Variants in ARAP3 observed in about 807,000 individuals in gnomAD.
The protein encoded by ARAP3 is ArfGAP with RhoGAP domain, ankyrin repeat and PH domain 3.
ARAP3 carries 82 observed loss-of-function variants against 169.2 expected under a neutral mutation model. That is an observed-to-expected ratio of 0.48 (90% CI 0.41 to 0.58). The LOEUF is 0.58. Among genes scored for constraint, ARAP3 ranks in the 20% least tolerant of loss-of-function variants. The probability of loss-of-function intolerance (pLI) is 0.00; values close to 1 mark genes in which losing one functional copy is unlikely to be tolerated. For missense variants in ARAP3, 1,764 were observed against 2,018.0 expected (o/e 0.87, Z 2.41); for synonymous variants, 791 against 800.3 (o/e 0.99, Z 0.20).
In ARAP3 at chr5:141,666,406, C is replaced by A. The variant is rs143722578; in HGVS notation, c.2572+18G>T. Reference sequence around the variant, plus strand: ...ATGGCCACCCTTCATCCCTGTCCCCCCAAACCTCCCCGCTTACTGATCTCC... The same window carrying A: ...ATGGCCACCCTTCATCCCTGTCCCCACAAACCTCCCCGCTTACTGATCTCC... On this transcript the variant is annotated intron_variant, in intron 17 of 32. Coordinates refer to ENST00000239440, the MANE Select transcript of ARAP3 (RefSeq NM_022481.6). 15 of 1,539,422 alleles carry A rather than the reference C, an allele frequency of 9.7e-6. No individual in the cohort carries two copies. The highest frequency in any genetic ancestry group is 1.4e-5 in the African/African-American group (1 of 72,148).
At chr5:141,664,646 T>A (rs1299263810) in intron 19 of ARAP3, among the ~76,000 whole-genome samples, 1 of 152,172 alleles carries the variant, frequency 6.6e-6, no homozygotes, top group Non-Finnish European at 1.5e-5. Context: ...TGCCAGGCCC[T>A]GCGCTCAAGG....
chr5:141,681,849 G>C (rs1241166173), intron 1 of ARAP3, among the ~76,000 whole-genome samples: 1 of 152,062 alleles, frequency 6.6e-6, no homozygotes, highest in African/African-American at 2.4e-5. Flanking sequence ...GCCAGGGCCC[G>C]CGTGCTGAGC....
rs141682206 is a variant in ARAP3 at position 141,655,385 on chromosome 5, G to A, written c.4126C>T (p.Arg1376Trp). The A allele has an allele frequency of 2.2e-4, 354 of 1,585,350 alleles. No individual in the cohort carries two copies. The highest frequency in any genetic ancestry group is 2.5e-4 in the Non-Finnish European group (288 of 1,165,462). Residue 1376 changes from arginine (R) to tryptophan (W), a missense_variant, in exon 32 of 33, where the codon CGG becomes TGG. Arg to Trp is a moderately radical substitution (Grantham distance 101, BLOSUM62 -3). Coordinates refer to ENST00000239440, the MANE Select transcript of ARAP3 (RefSeq NM_022481.6). ...ACAAAGAACATGGACAGGGTCCTCC[G>A]GTTGTGTAGTCGCCGCTGGACACAG... ...ANQTLRRLHN[R>W]RTLSMFFPMK...
chr5:141,664,899 A>C, intron 19 of ARAP3, 23 bp downstream of exon 19: 2 of 713,682 alleles, frequency 2.8e-6, no homozygotes, highest in Non-Finnish European at 4.3e-6. Context: ...CCATTGGCTC[A>C]GTACCAGCCA....
In ARAP3 at chr5:141,654,230, T is replaced by A. The variant is rs774960206; in HGVS notation, c.4355A>T (p.Lys1452Met). 6.2e-7 allele frequency: 1 copy of A among 1,614,102 alleles called. No individual in the cohort carries two copies. The highest frequency in any genetic ancestry group is 2.2e-5 in the East Asian group (1 of 44,878). ...CTCCTCCTGGCCAAGGGTGCTTGAC[T>A]TGGAGAGAAAGGGTTGATCCAATGA... Reference protein sequence around the residue: ...QKSLDQPFLSKSSTLGQEERP... With the variant: ...QKSLDQPFLSMSSTLGQEERP... The change falls in exon 33 of 33, where the codon AAG (lysine) becomes ATG (methionine). Residue 1452 changes from lysine to methionine, a missense_variant. By Grantham distance (95) the Lys-to-Met change is moderately conservative (BLOSUM62 -1). Transcript: ENST00000239440.
chr5:141,680,452 C>T lies in ARAP3; in HGVS notation c.35G>A (p.Trp12Ter). The change falls in exon 2 of 33, where the codon TGG becomes TAG. Residue 12 changes from tryptophan to a stop codon, truncating the protein, a stop_gained. Transcript: ENST00000239440. LOFTEE classifies it high-confidence loss of function. ...CTGCTCCAGGTGCACCGTGGCCAGC[C>T]ACACAGCGATGTCCAGGTCCTGAGG... The part of the protein sequence containing the change: ...AAPQDLDIAV[W>*]LATVHLEQYA... 1 of 1,607,802 alleles carries T rather than the reference C, an allele frequency of 6.2e-7. No homozygotes were observed. The highest frequency in any genetic ancestry group is 8.5e-7 in the Non-Finnish European group (1 of 1,178,774).
At chr5:141,660,208 A>G (rs898813554) in intron 21 of ARAP3, among the ~76,000 whole-genome samples, 3 of 152,100 alleles carry the variant, frequency 2.0e-5, no homozygotes, top group Non-Finnish European at 4.4e-5. Context: ...AAATATATAC[A>G]TGGGCCGGGC....
intron 16 of ARAP3, 33 bp downstream of exon 16, chr5:141,669,676 T>G: frequency 4.3e-3 from 6,785 of 1,565,948 alleles, no homozygotes; most frequent in Non-Finnish European, 5.4e-3. Context: ...AAGGAAAGCA[T>G]GAGATGCTGC....
intron 1 of ARAP3, 131 bp from the exon 2 acceptor site, chr5:141,680,634 T>C (rs554179811): frequency 7.3e-7 from 1 of 1,366,430 alleles, no homozygotes; most frequent in African/African-American, 1.5e-5. Flanking sequence ...AGGCCTGCGA[T>C]CTGGAAGCAG....
Position 141,659,763 on chromosome 5 carries a change from G to T in ARAP3, c.3267+16C>A, listed in dbSNP as rs1322702229. On this transcript the variant is annotated intron_variant, in intron 22 of 32. Transcript: ENST00000239440. Reference sequence around the variant, plus strand: ...AGGGGAAAGGGGTTGTGGGTTAGGGGTCAGGAAAGCCTTACATCAAAGACA... The same window carrying T: ...AGGGGAAAGGGGTTGTGGGTTAGGGTTCAGGAAAGCCTTACATCAAAGACA... The T allele has an allele frequency of 6.2e-7, 1 of 1,605,902 alleles. No homozygotes were observed. The highest frequency in any genetic ancestry group is 8.5e-7 in the Non-Finnish European group (1 of 1,174,208).
Position 141,680,400 on chromosome 5 carries a change from G to A in ARAP3, c.87C>T (p.Gly29=). ...EQYADTFRRH[G]LATAGAARGL... Reference sequence around the variant, plus strand: ...CCCGGGCTGCACCTGCTGTAGCCAGGCCATGCCGTCGGAACGTGTCTGCAT... The same window carrying A: ...CCCGGGCTGCACCTGCTGTAGCCAGACCATGCCGTCGGAACGTGTCTGCAT... Residue 29 remains glycine, a synonymous_variant, in exon 2 of 33, where the codon GGC becomes GGT. Coordinates refer to ENST00000239440, the MANE Select transcript of ARAP3 (RefSeq NM_022481.6). 2.5e-6 allele frequency: 4 copies of A among 1,613,960 alleles called. No homozygotes were observed. Among genetic ancestry groups the A allele is most frequent in the Non-Finnish European group, 3.4e-6 (4 of 1,180,038 alleles).
intron 16 of ARAP3, among the ~76,000 whole-genome samples, chr5:141,668,004 C>T (rs945217796): frequency 5.9e-5 from 9 of 151,790 alleles, no homozygotes; most frequent in African/African-American, 1.2e-4. Context: ...ATCTCTTCAC[C>T]GCACTGTAGC....
chr5:141,679,027 G>T (rs137924240), intron 4 of ARAP3, among the ~76,000 whole-genome samples: 1 of 152,176 alleles, frequency 6.6e-6, no homozygotes, highest in African/African-American at 2.4e-5. Context: ...AGTGGCTCAT[G>T]CCTGTAATCC....
At chr5:141,661,896 C>T (rs1054733909) in intron 20 of ARAP3, 107 bp from the exon 21 acceptor site, 2 of 1,475,412 alleles carry the variant, frequency 1.4e-6, no homozygotes, top group Admixed American at 1.7e-5. Context: ...TGTGTCTCTG[C>T]CCCCTTCCCA....
At position 141,679,982 on chromosome 5, in the gene ARAP3, C is replaced by T; in HGVS notation, c.505G>A (p.Ala169Thr). 6.2e-7 allele frequency: 1 copy of T among 1,614,198 alleles called. No individual in the cohort carries two copies. Among genetic ancestry groups the T allele is most frequent in the Non-Finnish European group, 8.5e-7 (1 of 1,180,032 alleles). ...IYFGLDSRGR[A>T]QAAQDKAPDS... ...ACTCACTTGTCCTGAGCTGCCTGTG[C>T]CCTGCCTCTTGAGTCCAGGCCGAAG... Residue 169 changes from alanine (A) to threonine (T), a missense_variant, in exon 2 of 33, where the codon GCA becomes ACA. Ala to Thr is a moderately conservative substitution (Grantham distance 58). Transcript: ENST00000239440.
Position 141,661,669 on chromosome 5 carries a change from T to C in ARAP3, c.3119+15A>G. ...AAGTGAGGAAGGGTTCTGCAGAGGG[T>C]CTAGCCATACTGACCGATAGAGATG... On this transcript the variant is annotated intron_variant, in intron 21 of 32. Coordinates refer to ENST00000239440, the MANE Select transcript of ARAP3 (RefSeq NM_022481.6). The C allele has an allele frequency of 6.2e-7, 1 of 1,612,308 alleles. No individual in the cohort carries two copies. Among genetic ancestry groups the C allele is most frequent in the Non-Finnish European group, 8.5e-7 (1 of 1,178,420 alleles).
At chr5:141,658,525 G>A in intron 24 of ARAP3, 46 bp from the exon 25 acceptor site, 1 of 1,613,722 alleles carries the variant, frequency 6.2e-7, no homozygotes. Context: ...TCAGGCTATT[G>A]CCCCTGGAAC....
chr5:141,666,801 G>A (rs956744203), intron 16 of ARAP3, 158 bp from the exon 17 acceptor site: 15 of 426,674 alleles, frequency 3.5e-5, no homozygotes, highest in Admixed American at 1.7e-4. Flanking sequence ...GAGAGCAGAG[G>A]AGACAGCCAA....
chr5:141,658,255 C>T lies in ARAP3; in HGVS notation c.3526+110G>A, dbSNP rs1596476225. ...TCGCATGGATGAGTGGATGAGTCAT[C>T]CATGAGTTACCATTCATATTTGGTA... On this transcript the variant is annotated intron_variant, in intron 25 of 32. Transcript: ENST00000239440. 2.8e-6 allele frequency: 3 copies of T among 1,064,150 alleles called. No individual in the cohort carries two copies. In the South Asian group the frequency reaches 4.5e-5, roughly 16 times the overall value. 65.9% of individuals were successfully genotyped at this position (1,064,150 alleles called of 1,614,324 possible).
Sources: gnomAD v4.1 joint callset for allele counts (sites outside exome capture counted in the v4.1 genomes callset) on GRCh38, gnomAD v4.1.1 for gene constraint, MANE v1.5 for transcripts, NCBI Gene and HGNC (gene_info 2026-07-23, HGNC 2026-07-21) for gene names.